ARGLU1: variants seen among roughly 807,000 people sequenced by gnomAD.
ARGLU1 encodes the protein arginine and glutamate-rich protein 1.
ARGLU1 carries 9 observed loss-of-function variants against 37.6 expected under a neutral mutation model. That is an observed-to-expected ratio of 0.24 (90% CI 0.14 to 0.42). ARGLU1 has a LOEUF of 0.42. Among genes scored for constraint, ARGLU1 ranks in the 10% least tolerant of loss-of-function variants. The probability of loss-of-function intolerance (pLI) is 1.00; values close to 1 mark genes in which losing one functional copy is unlikely to be tolerated. For synonymous variants in ARGLU1, 166 were observed against 138.5 expected (o/e 1.20, Z -1.39); for missense variants, 211 against 359.2 (o/e 0.59, Z 3.34).
chr13:106,562,550 A>G (rs1037049444), intron 1 of ARGLU1, among the ~76,000 whole-genome samples: 14 of 152,094 alleles, frequency 9.2e-5, no homozygotes, highest in Non-Finnish European at 1.8e-4. Context: ...CTTTTCTCTA[A>G]TGTTTTCCTC....
chr13:106,543,825 G>GAAAA lies in ARGLU1; in HGVS notation c.*167_*170dup, dbSNP rs11349875. 194 of 409,232 alleles carry GAAAA rather than the reference G, an allele frequency of 4.7e-4. No homozygotes were observed. Among genetic ancestry groups the GAAAA allele is most frequent in the Admixed American group, 1.6e-3 (31 of 18,914 alleles). The allele number at this position is 409,232 out of a possible 1,614,324, so 25.4% of individuals were successfully genotyped here. The stretch of plus-strand genomic sequence containing the variant: ...TGATAAGGATTTGACTTAGTGGAAG[G>GAAAA]AAAAAAAAAAAAAAAAAGGGAATTG... On this transcript the variant is annotated 3_prime_UTR_variant, in exon 4 of 4. Transcript: ENST00000400198.
In ARGLU1 at chr13:106,567,852, T is replaced by G; in HGVS notation, c.68A>C (p.Lys23Thr). 1 of 1,613,330 alleles carries G rather than the reference T, an allele frequency of 6.2e-7. No homozygotes were observed. Among genetic ancestry groups the G allele is most frequent in the Non-Finnish European group, 8.5e-7 (1 of 1,179,866 alleles). Reference sequence around the variant, plus strand: ...GGATCGCGACCGGGACCGGCTGCGCTTCTTGTTGTGCTTGCTGCTCTTGGT... The same window carrying G: ...GGATCGCGACCGGGACCGGCTGCGCGTCTTGTTGTGCTTGCTGCTCTTGGT... ...KHTKSSKHNKKRSRSRSRSRD... is the reference protein window; with the variant it reads ...KHTKSSKHNKTRSRSRSRSRD... The change falls in exon 1 of 4, where the codon AAG becomes ACG. Residue 23 changes from lysine to threonine, a missense_variant. Lys to Thr is a moderately conservative substitution (Grantham distance 78). This residue lies in a region of ARGLU1 where 130 missense variants were observed against 179.8 expected (regional missense o/e 0.72). Coordinates refer to ENST00000400198, the MANE Select transcript of ARGLU1 (RefSeq NM_018011.4). This position sits in a 1 kb window ranked among gnomAD's most constrained non-coding sequence, Gnocchi z 4.3.
rs554413394 is a variant in ARGLU1, at chr13:106,564,900, T to C, written c.347+2673A>G. ...CCAGTACCTGCCACATGGTTGTTAC[T>C]GAAACATTTGGTAGATGAGTTGCAA... is the stretch of plus-strand genomic sequence containing the variant. On this transcript the variant is annotated intron_variant, in intron 1 of 3. Coordinates refer to ENST00000400198, the MANE Select transcript of ARGLU1 (RefSeq NM_018011.4). Among the ~76,000 whole-genome samples, 8 of 152,352 alleles carry C rather than the reference T, an allele frequency of 5.3e-5. No individual in the cohort carries two copies. The East Asian group carries it at 1.5e-3, about 29-fold the overall frequency.
At chr13:106,554,313 T>C (rs1295842463) in intron 3 of ARGLU1, among the ~76,000 whole-genome samples, 1 of 152,228 alleles carries the variant, frequency 6.6e-6, no homozygotes, top group African/African-American at 2.4e-5. Flanking sequence ...TCATCATTCA[T>C]CACTTTCTAG....
intron 3 of ARGLU1, among the ~76,000 whole-genome samples, chr13:106,550,172 G>A (rs547774164): frequency 1.2e-4 from 18 of 152,098 alleles, no homozygotes; most frequent in African/African-American, 2.2e-4. Context: ...TTTCCCCTGC[G>A]TCCCGGCTTT....
At position 106,568,057 on chromosome 13, in the gene ARGLU1, T is replaced by C; in HGVS notation, c.-138A>G. ...GTGTCGGCCAACGGACTTTATGCCT[T>C]TTCCCGGCGTCTACAGCTGCCACGA... On this transcript the variant is annotated 5_prime_UTR_variant, in exon 1 of 4. Coordinates refer to ENST00000400198, the MANE Select transcript of ARGLU1 (RefSeq NM_018011.4). 1 of 1,333,626 alleles carries C rather than the reference T, an allele frequency of 7.5e-7. No individual in the cohort carries two copies. The allele number at this position is 1,333,626 out of a possible 1,614,324, so 82.6% of individuals were successfully genotyped here.
intron 3 of ARGLU1, among the ~76,000 whole-genome samples, chr13:106,548,008 T>A (rs1705012817): frequency 6.6e-6 from 1 of 152,196 alleles, no homozygotes; most frequent in Non-Finnish European, 1.5e-5. Context: ...CAGAGTTGAT[T>A]TTCTCCGGGA....
intron 3 of ARGLU1, among the ~76,000 whole-genome samples, chr13:106,552,910 G>A (rs1174633550): frequency 6.6e-6 from 1 of 152,072 alleles, no homozygotes; most frequent in Non-Finnish European, 1.5e-5. Context: ...GGTACACAAT[G>A]TGGAACTGAA....
intron 3 of ARGLU1, among the ~76,000 whole-genome samples, chr13:106,551,472 A>G (rs377366290): frequency 1.3e-5 from 2 of 152,130 alleles, no homozygotes; most frequent in Admixed American, 6.5e-5. Context: ...TTTAAAATCC[A>G]TATTTTTGCC....
intron 1 of ARGLU1, among the ~76,000 whole-genome samples, chr13:106,564,433 A>G (rs1406290044): frequency 6.6e-6 from 1 of 152,220 alleles, no homozygotes; most frequent in South Asian, 2.1e-4. Flanking sequence ...TAAGTGGTAA[A>G]CCAATAAGGT....
At chr13:106,560,191 T>A (rs927868846) in intron 1 of ARGLU1, among the ~76,000 whole-genome samples, 2 of 152,234 alleles carry the variant, frequency 1.3e-5, no homozygotes, top group Non-Finnish European at 2.9e-5. Context: ...ATGACCAACT[T>A]AAGTTTTGAA....
intron 3 of ARGLU1, among the ~76,000 whole-genome samples, chr13:106,556,071 G>A (rs895695345): frequency 1.3e-5 from 2 of 151,686 alleles, no homozygotes; most frequent in Admixed American, 1.3e-4. Flanking sequence ...TCCTTATATG[G>A]AATCCCAGAA....
intron 3 of ARGLU1, among the ~76,000 whole-genome samples, chr13:106,553,643 AAG>A (rs1487024125): frequency 6.6e-5 from 10 of 152,228 alleles, no homozygotes; most frequent in African/African-American, 9.6e-5. Flanking sequence ...GGAAAAAGAA[AAG>A]AGGGGGACAT....
At chr13:106,556,901 A>C in intron 3 of ARGLU1, 147 bp downstream of exon 3, 1 of 643,364 alleles carries the variant, frequency 1.6e-6, no homozygotes, top group Non-Finnish European at 2.7e-6. Context: ...AATTGTTCCT[A>C]TCCTTGCCTC....
At chr13:106,545,270 T>C (rs1402020118) in intron 3 of ARGLU1, among the ~76,000 whole-genome samples, 6 of 152,162 alleles carry the variant, frequency 3.9e-5, no homozygotes, top group Admixed American at 3.9e-4. Context: ...CTTTTTAATA[T>C]CAGTTATCAT....
Position 106,542,191 on chromosome 13 carries a change from C to T in ARGLU1, c.*1805G>A, listed in dbSNP as rs1880280502. On this transcript the variant is annotated 3_prime_UTR_variant, in exon 4 of 4. Coordinates refer to ENST00000400198, the MANE Select transcript of ARGLU1 (RefSeq NM_018011.4). Reference sequence around the variant, plus strand: ...AAATATTTTAAGTCCAGGCTACTCTCTTTAGATACAATGTTTTGAACACTT... The same window carrying T: ...AAATATTTTAAGTCCAGGCTACTCTTTTTAGATACAATGTTTTGAACACTT... 6.6e-6 allele frequency: 1 copy of T among 151,920 alleles called. No individual in the cohort carries two copies. The highest frequency in any genetic ancestry group is 2.4e-5 in the African/African-American group (1 of 41,336). 9.4% of individuals were successfully genotyped at this position (151,920 alleles called of 1,614,324 possible).
At chr13:106,549,013 A>C (rs1334208576) in intron 3 of ARGLU1, among the ~76,000 whole-genome samples, 1 of 152,158 alleles carries the variant, frequency 6.6e-6, no homozygotes, top group Non-Finnish European at 1.5e-5. Context: ...GGCCTCCCAA[A>C]GTGCTGGGAT....
At chr13:106,558,044 G>A (rs747897547) in intron 2 of ARGLU1, 1 of 985,126 alleles carries the variant, frequency 1.0e-6, no homozygotes, top group East Asian at 1.1e-4. Context: ...TTGATGGCTT[G>A]AGCAGTGTTC....
In ARGLU1 at chr13:106,542,124, A is replaced by T. The variant is rs1318397185; in HGVS notation, c.*1872T>A. The stretch of plus-strand genomic sequence containing the variant: ...ACTTCACACCATATGTGGCAGTAAG[A>T]AACTTAAAAAAAAAATTAAAAGGCA... On this transcript the variant is annotated 3_prime_UTR_variant, in exon 4 of 4. Coordinates refer to ENST00000400198, the MANE Select transcript of ARGLU1 (RefSeq NM_018011.4). 6.6e-6 allele frequency: 1 copy of T among 152,158 alleles called. No homozygotes were observed. The highest frequency in any genetic ancestry group is 1.5e-5 in the Non-Finnish European group (1 of 68,022). The allele number at this position is 152,158 out of a possible 1,614,324, so 9.4% of individuals were successfully genotyped here.
Sources: allele counts gnomAD v4.1 joint callset (sites outside exome capture counted in the v4.1 genomes callset), GRCh38; gene constraint gnomAD v4.1.1; regional missense constraint gnomAD v4.1.1; non-coding constraint Gnocchi (gnomAD v3.1); transcripts MANE v1.5; gene names NCBI Gene and HGNC (gene_info 2026-07-23, HGNC 2026-07-21).